Variants in STK32B observed in about 807,000 individuals in gnomAD.
STK32B encodes the protein serine/threonine-protein kinase 32B.
STK32B carries 43 observed loss-of-function variants against 52.6 expected under a neutral mutation model. That is an observed-to-expected ratio of 0.82 (90% CI 0.64 to 1.05). STK32B has a LOEUF of 1.05. STK32B is among the 50% of genes least tolerant of loss of function. The pLI, the probability that STK32B is intolerant of heterozygous loss-of-function variation, is 0.00. For synonymous variants in STK32B, 238 were observed against 204.3 expected (o/e 1.17, Z -1.41); for missense variants, 621 against 534.6 (o/e 1.16, Z -1.59).
chr4:5,164,399 G>A (rs1168254294), intron 2 of STK32B, among the ~76,000 whole-genome samples: 1 of 152,118 alleles, frequency 6.6e-6, no homozygotes, highest in African/African-American at 2.4e-5. Context: ...TTGTCATTTG[G>A]TTTGGGCCCG....
intron 1 of STK32B, among the ~76,000 whole-genome samples, chr4:5,136,562 A>T (rs1373670235): frequency 6.6e-6 from 1 of 152,168 alleles, no homozygotes; most frequent in East Asian, 1.9e-4. Flanking sequence ...AGGATGCAGA[A>T]CTTCCCGTAC....
intron 7 of STK32B, among the ~76,000 whole-genome samples, chr4:5,454,863 G>A (rs895314827): frequency 1.3e-5 from 2 of 152,042 alleles, no homozygotes; most frequent in African/African-American, 4.8e-5. Context: ...TCTCACACAC[G>A]CAATGATGGG....
At chr4:5,059,645 A>G (rs1577040428) in intron 1 of STK32B, among the ~76,000 whole-genome samples, 3 of 152,358 alleles carry the variant, frequency 2.0e-5, no homozygotes, top group Middle Eastern at 3.4e-3. Context: ...TATAAACCGT[A>G]CGCCAATACA....
chr4:5,145,280 C>G (rs116222934), intron 2 of STK32B, among the ~76,000 whole-genome samples: 2,438 of 152,274 alleles, frequency 0.016, 40 homozygotes, highest in South Asian at 0.031. Flanking sequence ...TTTTTTGATG[C>G]ATTTTATAGC....
At chr4:5,237,856 G>A (rs1052070672) in intron 3 of STK32B, among the ~76,000 whole-genome samples, 1 of 152,152 alleles carries the variant, frequency 6.6e-6, no homozygotes, top group African/African-American at 2.4e-5. Flanking sequence ...AAGGACCTAG[G>A]ACTGTCCTTT....
intron 3 of STK32B, among the ~76,000 whole-genome samples, chr4:5,178,727 G>A (rs1171631518): frequency 1.3e-5 from 2 of 152,186 alleles, no homozygotes; most frequent in African/African-American, 2.4e-5. Context: ...CAGTCTCTTT[G>A]CTAAAGCATA....
At chr4:5,257,110 A>G (rs1360941856) in intron 3 of STK32B, among the ~76,000 whole-genome samples, 1 of 152,230 alleles carries the variant, frequency 6.6e-6, no homozygotes. Context: ...TGAGTGAACA[A>G]GTGAACGTGA....
Position 5,141,454 on chromosome 4 carries a change from C to G in STK32B, c.108+1494C>G, listed in dbSNP as rs546958265. Reference sequence around the variant, plus strand: ...TGAGGTCAGTGAAGTCGGCGAGGCCCAGGTCTTAGAGGACTTCTTCCATGT... The same window carrying G: ...TGAGGTCAGTGAAGTCGGCGAGGCCGAGGTCTTAGAGGACTTCTTCCATGT... On this transcript the variant is annotated intron_variant, in intron 2 of 11. Coordinates refer to ENST00000282908, the MANE Select transcript of STK32B (RefSeq NM_018401.3). Among the ~76,000 whole-genome samples, 8 of 152,278 alleles carry G rather than the reference C, an allele frequency of 5.3e-5. No homozygotes were observed. The South Asian group carries it at 1.5e-3, about 28-fold the overall frequency.
At position 5,443,772 on chromosome 4, in the gene STK32B, G is replaced by A. The variant is rs1473043195; in HGVS notation, c.563-2901G>A. On this transcript the variant is annotated intron_variant, in intron 6 of 11. Transcript: ENST00000282908. ...CTTTGATGATGGTGATGTACAGATGGGTTTTTGGTGTGGATGTCCTTTCTG... is the reference window on the plus strand; with the variant it reads ...CTTTGATGATGGTGATGTACAGATGAGTTTTTGGTGTGGATGTCCTTTCTG... Among the ~76,000 whole-genome samples the A allele has an allele frequency of 2.0e-5, 3 of 152,220 alleles. No individual in the cohort carries two copies. In the East Asian group the frequency reaches 5.8e-4, roughly 30 times the overall value.
At chr4:5,167,613 C>G (rs910065871) in intron 2 of STK32B, among the ~76,000 whole-genome samples, 1 of 152,194 alleles carries the variant, frequency 6.6e-6, no homozygotes, top group Non-Finnish European at 1.5e-5. Context: ...AAGCTTGTTA[C>G]CCCACTGTGG....
intron 2 of STK32B, among the ~76,000 whole-genome samples, chr4:5,163,590 G>A (rs1718630038): frequency 6.6e-6 from 1 of 151,186 alleles, no homozygotes; most frequent in South Asian, 2.1e-4. Context: ...GTAAGAGAGA[G>A]AGAGAGATGT....
intron 1 of STK32B, among the ~76,000 whole-genome samples, chr4:5,093,251 A>G (rs982459605): frequency 6.6e-6 from 1 of 152,252 alleles, no homozygotes; most frequent in South Asian, 2.1e-4. Flanking sequence ...AAAGGTTAAC[A>G]TTTATCAAAA....
chr4:5,130,218 G>A (rs1468234259), intron 1 of STK32B, among the ~76,000 whole-genome samples: 2 of 151,810 alleles, frequency 1.3e-5, no homozygotes, highest in Non-Finnish European at 2.9e-5. Flanking sequence ...GGGGCACCAT[G>A]ACCAGGCGTT....
chr4:5,482,381 C>T (rs923986678), intron 11 of STK32B, among the ~76,000 whole-genome samples: 31 of 152,106 alleles, frequency 2.0e-4, no homozygotes, highest in Admixed American at 1.6e-3. Flanking sequence ...ATTTGGCTCT[C>T]TGTTTGTCTG....
chr4:5,445,597 C>T (rs1419576855), intron 6 of STK32B, among the ~76,000 whole-genome samples: 1 of 152,166 alleles, frequency 6.6e-6, no homozygotes, highest in African/African-American at 2.4e-5. Flanking sequence ...ATGCAGCACC[C>T]TGAAGAATAA....
the STK32B span, among the ~76,000 whole-genome samples, chr4:5,040,687 C>A: frequency 6.6e-6 from 1 of 152,112 alleles, no homozygotes; most frequent in Non-Finnish European, 1.5e-5. Context: ...TGCGCCCGGC[C>A]AAGCAGTAGA....
rs563241574 is a variant in STK32B at position 5,354,326 on chromosome 4, C to T, written c.434+22933C>T. ...TGTGGCCCAGGCTGGACTGCAGTGGCGCCATCTCAGCTCCCTGCAACCTCC... is the reference window on the plus strand; with the variant it reads ...TGTGGCCCAGGCTGGACTGCAGTGGTGCCATCTCAGCTCCCTGCAACCTCC... On this transcript the variant is annotated intron_variant, in intron 4 of 11. Coordinates refer to ENST00000282908, the MANE Select transcript of STK32B (RefSeq NM_018401.3). 1.2e-4 allele frequency among the ~76,000 whole-genome samples: 19 copies of T among 152,276 alleles called. No individual in the cohort carries two copies. The East Asian group carries it at 1.5e-3, about 12-fold the overall frequency.
intron 2 of STK32B, among the ~76,000 whole-genome samples, chr4:5,153,788 A>G (rs539358641): frequency 2.3e-4 from 35 of 152,308 alleles, no homozygotes; most frequent in Admixed American, 1.8e-3. Context: ...GAAAACATCA[A>G]AGAAACTACA....
intron 4 of STK32B, among the ~76,000 whole-genome samples, chr4:5,363,740 C>T (rs574878897): frequency 2.0e-4 from 31 of 152,190 alleles, no homozygotes; most frequent in East Asian, 3.9e-4. Flanking sequence ...TATTAATAGA[C>T]GTGCTTGCTA....
Sources: gnomAD v4.1 joint callset for allele counts (sites outside exome capture counted in the v4.1 genomes callset) on GRCh38, gnomAD v4.1.1 for gene constraint, MANE v1.5 for transcripts, NCBI Gene and HGNC (gene_info 2026-07-23, HGNC 2026-07-21) for gene names.